Variants in BBS12 observed in about 807,000 individuals in gnomAD.
The protein encoded by BBS12 is Bardet-Biedl syndrome 12.
Under a neutral mutation model 5.6 loss-of-function variants are expected in BBS12, and 5 were observed. That is an observed-to-expected ratio of 0.89 (90% CI 0.46 to 1.86). BBS12 has a LOEUF of 1.86. Ranked by LOEUF, BBS12 falls within the 40% of genes most tolerant of loss-of-function variation. The pLI, the probability that BBS12 is intolerant of heterozygous loss-of-function variation, is 0.01. For synonymous variants in BBS12, 308 were observed against 306.8 expected, an observed-to-expected ratio of 1.00 and a Z score of -0.04; for missense variants, 748 against 830.4, an observed-to-expected ratio of 0.90 and a Z score of 1.22.
chr4:122,726,372 G>A, the BBS12 span, among the ~76,000 whole-genome samples: 2 of 152,204 alleles, frequency 1.3e-5, no homozygotes, highest in Non-Finnish European at 2.9e-5. Context: ...ACCACAATGC[G>A]ATACCACTTT....
chr4:122,712,816 G>A, the BBS12 span, among the ~76,000 whole-genome samples: 1 of 152,154 alleles, frequency 6.6e-6, no homozygotes, highest in Non-Finnish European at 1.5e-5. Flanking sequence ...CTCTATGAAA[G>A]TGTGTTATCG....
chr4:122,702,153 C>G, the BBS12 span, among the ~76,000 whole-genome samples: 1 of 152,172 alleles, frequency 6.6e-6, no homozygotes, highest in Non-Finnish European at 1.5e-5. Context: ...TAACAGCTCA[C>G]TGCAGCCTTG....
chr4:122,730,395 G>C (rs1421765727), upstream of BBS12: 1 of 152,182 alleles, frequency 6.6e-6, no homozygotes, highest in African/African-American at 2.4e-5. Context: ...TATTGGTAGA[G>C]ATGTGTAACT....
chr4:122,716,684 CAT>C, the BBS12 span, among the ~76,000 whole-genome samples: 55 of 83,924 alleles, frequency 6.6e-4, 1 homozygote, highest in African/African-American at 3.2e-3. Flanking sequence ...TATATATACA[CAT>C]ATGTGTATGT....
Position 122,743,978 on chromosome 4 carries a change from C to G in BBS12, c.2086C>G (p.His696Asp), listed in dbSNP as rs1418468337. ...TDSEIITGHG[H>D]TQINSQELTG... ...CAGTGAAATAATTACTGGACATGGA[C>G]ACACACAGATAAATTCACAGGAATT... Residue 696 changes from histidine (H) to aspartate (D), a missense_variant, in exon 2 of 2, where the codon CAC (histidine) becomes GAC (aspartate). His to Asp is a moderately conservative substitution (Grantham distance 81, BLOSUM62 -1). Coordinates refer to ENST00000314218, the MANE Select transcript of BBS12 (RefSeq NM_152618.3). The G allele has an allele frequency of 6.2e-7, 1 of 1,614,018 alleles. No individual in the cohort carries two copies. The highest frequency in any genetic ancestry group is 8.5e-7 in the Non-Finnish European group (1 of 1,179,930).
the BBS12 span, among the ~76,000 whole-genome samples, chr4:122,718,535 C>G: frequency 6.6e-6 from 1 of 152,118 alleles, no homozygotes; most frequent in East Asian, 1.9e-4. Context: ...GAAGCACAGG[C>G]AGTGAACTCT....
At chr4:122,739,718 C>G (rs1444647339) in intron 1 of BBS12, among the ~76,000 whole-genome samples, 3 of 152,222 alleles carry the variant, frequency 2.0e-5, no homozygotes, top group Non-Finnish European at 4.4e-5. Flanking sequence ...AGGGGTAGCT[C>G]CTCATTAACT....
Position 122,742,598 on chromosome 4 carries a change from C to T in BBS12, c.706C>T (p.His236Tyr), listed in dbSNP as rs1202469550. 23 of 1,614,092 alleles carry T rather than the reference C, an allele frequency of 1.4e-5. No individual in the cohort carries two copies. The highest frequency in any genetic ancestry group is 1.8e-5 in the Non-Finnish European group (21 of 1,180,050). Residue 236 changes from histidine (H) to tyrosine (Y), a missense_variant, in exon 2 of 2, where the codon CAT becomes TAT. Transcript: ENST00000314218. ...ACAGTCAATACTAATCCACAGTAGG[C>T]ATTTTAATAGGACAGATAATACTGA... ...CRQSILIHSR[H>Y]FNRTDNTEGV... is the part of the protein sequence containing the mutation.
chr4:122,700,646 G>C, the BBS12 span, among the ~76,000 whole-genome samples: 3 of 152,170 alleles, frequency 2.0e-5, no homozygotes, highest in African/African-American at 7.2e-5. Flanking sequence ...GTTGGTAACC[G>C]GTGCGCAGTA....
the BBS12 span, among the ~76,000 whole-genome samples, chr4:122,718,328 T>C: frequency 6.6e-6 from 1 of 152,264 alleles, no homozygotes; most frequent in Non-Finnish European, 1.5e-5. Context: ...GCCAGCAGTC[T>C]CTCCCATTCA....
the BBS12 span, among the ~76,000 whole-genome samples, chr4:122,719,835 T>A: frequency 1.3e-5 from 2 of 152,226 alleles, no homozygotes; most frequent in Admixed American, 1.3e-4. Flanking sequence ...AAAGATATCC[T>A]GGGCTTTCAA....
the BBS12 span, among the ~76,000 whole-genome samples, chr4:122,722,864 G>T: frequency 6.6e-6 from 1 of 151,800 alleles, no homozygotes; most frequent in Non-Finnish European, 1.5e-5. Flanking sequence ...TATTGTACTG[G>T]CTAGCACTTC....
chr4:122,714,296 C>T, the BBS12 span, among the ~76,000 whole-genome samples: 1 of 152,164 alleles, frequency 6.6e-6, no homozygotes, highest in Non-Finnish European at 1.5e-5. Flanking sequence ...GACTTCCGTC[C>T]TCCAGAACTG....
the BBS12 span, among the ~76,000 whole-genome samples, chr4:122,722,776 T>C: frequency 6.6e-6 from 1 of 152,190 alleles, no homozygotes; most frequent in African/African-American, 2.4e-5. Context: ...TTCTATTGTA[T>C]GTATCATCAT....
chr4:122,724,496 G>A, the BBS12 span, among the ~76,000 whole-genome samples: 1 of 152,108 alleles, frequency 6.6e-6, no homozygotes, highest in Non-Finnish European at 1.5e-5. Context: ...CTTCTTATCT[G>A]ACATATAAGA....
At chr4:122,716,127 G>T in the BBS12 span, among the ~76,000 whole-genome samples, 1 of 152,078 alleles carries the variant, frequency 6.6e-6, no homozygotes, top group Non-Finnish European at 1.5e-5. Context: ...ATTATAGAAT[G>T]CTTATTGATG....
intron 1 of BBS12, among the ~76,000 whole-genome samples, chr4:122,736,597 T>C (rs1800787000): frequency 6.6e-6 from 1 of 152,144 alleles, no homozygotes; most frequent in South Asian, 2.1e-4. Context: ...AAAGAAACAT[T>C]AAGCTGGCAA....
chr4:122,742,553 C>T lies in BBS12; in HGVS notation c.661C>T (p.Leu221Phe). ...ATCACGAACTCTGAAAAACAGCCTGCTTGCAGATACCTGCTGCAGACAGTC... is the reference window on the plus strand; with the variant it reads ...ATCACGAACTCTGAAAAACAGCCTGTTTGCAGATACCTGCTGCAGACAGTC... ...NTSRTLKNSLLADTCCRQSIL... is the reference protein window; with the variant it reads ...NTSRTLKNSLFADTCCRQSIL... The change falls in exon 2 of 2, where the codon CTT becomes TTT. Residue 221 changes from leucine to phenylalanine, a missense_variant. Leu to Phe is a conservative substitution (Grantham distance 22). Transcript: ENST00000314218. 8 of 1,614,206 alleles carry T rather than the reference C, an allele frequency of 5.0e-6. No individual in the cohort carries two copies. Among genetic ancestry groups the T allele is most frequent in the Non-Finnish European group, 6.8e-6 (8 of 1,180,032 alleles).
rs1459842735 is a variant in BBS12, at chr4:122,744,279, A to G, written c.*254A>G. 2 of 452,528 alleles carry G rather than the reference A, an allele frequency of 4.4e-6. No homozygotes were observed. The highest frequency in any genetic ancestry group is 3.9e-5 in the Admixed American group (1 of 25,378). 28.0% of individuals were successfully genotyped at this position (452,528 alleles called of 1,614,324 possible). A position where few individuals can be genotyped will look rare whatever the true frequency, so the allele number is the denominator to read the frequency against. On this transcript the variant is annotated 3_prime_UTR_variant, in exon 2 of 2. Transcript: ENST00000314218. ...CAGAAACAAAGGACTTATCGCTCAC[A>G]GCAAAAGCTGTAGCCAGAGCTTCAT...
Sources: allele counts gnomAD v4.1 joint callset (sites outside exome capture counted in the v4.1 genomes callset), GRCh38; gene constraint gnomAD v4.1.1; transcripts MANE v1.5; gene names NCBI Gene and HGNC (gene_info 2026-07-23, HGNC 2026-07-21).